B3GAT2: variants seen among roughly 807,000 people sequenced by gnomAD.
B3GAT2 encodes beta-1,3-glucuronyltransferase 2, also known as galactosylgalactosylxylosylprotein 3-beta-glucuronosyltransferase 2.
Under a neutral mutation model 27.8 loss-of-function variants are expected in B3GAT2, and 26 were observed. The ratio of observed to expected loss-of-function variants is 0.93; its 90% CI spans 0.68 to 1.30. The LOEUF (loss-of-function observed/expected upper bound fraction) is 1.30. B3GAT2 is among the 50% of genes most tolerant of loss of function. B3GAT2 has a pLI of 0.00. For synonymous variants in B3GAT2, 218 were observed against 195.1 expected (o/e 1.12, Z -0.98); for missense variants, 458 against 459.0 (o/e 1.00, Z 0.02).
intron 1 of B3GAT2, among the ~76,000 whole-genome samples, chr6:70,935,770 C>A (rs938423421): frequency 6.6e-6 from 1 of 152,060 alleles, no homozygotes; most frequent in Non-Finnish European, 1.5e-5. Flanking sequence ...CATGGAAAGG[C>A]ACAACCGGTA....
At chr6:70,872,596 G>T (rs548398007) in intron 2 of B3GAT2, among the ~76,000 whole-genome samples, 1 of 142,798 alleles carries the variant, frequency 7.0e-6, no homozygotes, top group Admixed American at 7.2e-5. Context: ...AATCTAACAT[G>T]TTTGTCTTGT....
chr6:70,920,027 G>A (rs985896950), intron 1 of B3GAT2, among the ~76,000 whole-genome samples: 6 of 152,206 alleles, frequency 3.9e-5, no homozygotes, highest in Non-Finnish European at 7.3e-5. Flanking sequence ...TACAGAGGCA[G>A]TAGGCCTTGC....
At chr6:70,891,310 T>A (rs1772284625) in intron 2 of B3GAT2, among the ~76,000 whole-genome samples, 1 of 152,200 alleles carries the variant, frequency 6.6e-6, no homozygotes, top group African/African-American at 2.4e-5. Context: ...GGCATATTAA[T>A]TTTTTTAAGT....
rs1158410675 is a variant in B3GAT2, at chr6:70,948,325, G to C, written c.591+7514C>G. Among the ~76,000 whole-genome samples the C allele has an allele frequency of 8.6e-3, 1,246 of 144,986 alleles. 12 individuals are homozygous for C. The highest frequency in any genetic ancestry group is 0.029 in the African/African-American group (1,105 of 38,282). Reference sequence around the variant, plus strand: ...TGCAGATGACATGGTTGTATATCTAGAAAACCCCATTGTCTCAGCCAAAAA... The same window carrying C: ...TGCAGATGACATGGTTGTATATCTACAAAACCCCATTGTCTCAGCCAAAAA... On this transcript the variant is annotated intron_variant, in intron 1 of 3. Coordinates refer to ENST00000230053, the MANE Select transcript of B3GAT2 (RefSeq NM_080742.3).
intron 2 of B3GAT2, among the ~76,000 whole-genome samples, chr6:70,889,549 T>C (rs1036234157): frequency 2.0e-5 from 3 of 152,056 alleles, no homozygotes; most frequent in African/African-American, 7.3e-5. Context: ...AGAAGACAAG[T>C]ATAACCAGGT....
intron 1 of B3GAT2, among the ~76,000 whole-genome samples, chr6:70,911,292 A>G (rs1375875427): frequency 4.1e-4 from 63 of 152,064 alleles, no homozygotes; most frequent in Non-Finnish European, 4.4e-5. Flanking sequence ...TAGTTTTTAC[A>G]GTTAAGTCTT....
chr6:70,867,777 G>C (rs547680126), intron 2 of B3GAT2, among the ~76,000 whole-genome samples: 41 of 152,182 alleles, frequency 2.7e-4, no homozygotes, highest in South Asian at 2.1e-3. Context: ...AATTTTTCTA[G>C]AAAATAGAAA....
chr6:70,955,788 C>G, intron 1 of B3GAT2, 51 bp downstream of exon 1: 2 of 1,500,828 alleles, frequency 1.3e-6, no homozygotes, highest in Non-Finnish European at 1.8e-6. Flanking sequence ...CCGGCCGGCC[C>G]GGAGGCCCAC....
intron 1 of B3GAT2, among the ~76,000 whole-genome samples, chr6:70,941,682 C>A (rs4707869): frequency 6.6e-6 from 1 of 151,980 alleles, no homozygotes; most frequent in South Asian, 2.1e-4. Context: ...CTTAGACATA[C>A]AACACAGACT....
intron 1 of B3GAT2, 35 bp downstream of exon 1, chr6:70,955,804 C>T: frequency 2.0e-6 from 3 of 1,532,956 alleles, no homozygotes; most frequent in Non-Finnish European, 2.6e-6. Context: ...CCCACTCCCG[C>T]CCTCGCCCAC....
In B3GAT2 at chr6:70,950,134, G is replaced by C. The variant is rs564052503; in HGVS notation, c.591+5705C>G. ...ACGAGTTAATGGGTGCAGCACACCA[G>C]CATGGCACATGTATACATATGTAAC... On this transcript the variant is annotated intron_variant, in intron 1 of 3. Transcript: ENST00000230053. Among the ~76,000 whole-genome samples, 696 of 151,726 alleles carry C rather than the reference G, an allele frequency of 4.6e-3. 5 individuals carry two copies. Among genetic ancestry groups the C allele is most frequent in the African/African-American group, 0.016 (657 of 41,386 alleles).
At chr6:70,866,636 C>T (rs757119607) in intron 2 of B3GAT2, among the ~76,000 whole-genome samples, 3 of 151,904 alleles carry the variant, frequency 2.0e-5, no homozygotes. Context: ...TAGAAACTAC[C>T]AAAATGAAAC....
Position 70,856,951 on chromosome 6 carries a change from A to G in B3GAT2, c.*4712T>C. 6.2e-7 allele frequency: 1 copy of G among 1,614,036 alleles called. No homozygotes were observed. Among genetic ancestry groups the G allele is most frequent in the Non-Finnish European group, 8.5e-7 (1 of 1,179,900 alleles). Reference sequence around the variant, plus strand: ...CTGAGCAAACTACAAAATCAGAAGAAGTGGCAAAGAAACAACTTTCCAAAG... The same window carrying G: ...CTGAGCAAACTACAAAATCAGAAGAGGTGGCAAAGAAACAACTTTCCAAAG... On this transcript the variant is annotated 3_prime_UTR_variant, in exon 4 of 4. Transcript: ENST00000230053.
Position 70,861,936 on chromosome 6 carries a change from G to A in B3GAT2, c.779C>T (p.Ala260Val). 1 of 1,613,628 alleles carries A rather than the reference G, an allele frequency of 6.2e-7. No homozygotes were observed. The highest frequency in any genetic ancestry group is 8.5e-7 in the Non-Finnish European group (1 of 1,179,786). ...SLQVILSNPK[A>V]VFKRRGSQPG... ...CTGGGATCCACGACGCTTAAATACA[G>A]CTTTTGGATTGGACAAAATGACTTG... The change falls in exon 3 of 4, where the codon GCT (alanine) becomes GTT (valine). Residue 260 changes from alanine to valine, a missense_variant. Coordinates refer to ENST00000230053, the MANE Select transcript of B3GAT2 (RefSeq NM_080742.3).
intron 1 of B3GAT2, among the ~76,000 whole-genome samples, chr6:70,937,672 T>C (rs1490684552): frequency 1.3e-5 from 2 of 151,826 alleles, no homozygotes; most frequent in Non-Finnish European, 2.9e-5. Flanking sequence ...TCTCAATAGA[T>C]GCAGAAAAGG....
At chr6:70,938,852 G>C (rs1765339852) in intron 1 of B3GAT2, among the ~76,000 whole-genome samples, 2 of 151,844 alleles carry the variant, frequency 1.3e-5, no homozygotes, top group South Asian at 4.2e-4. Flanking sequence ...AGGACTTCAT[G>C]TCTAAAACAC....
At chr6:70,902,629 T>TACAC (rs1156521355) in intron 1 of B3GAT2, among the ~76,000 whole-genome samples, 2 of 142,004 alleles carry the variant, frequency 1.4e-5, no homozygotes, top group African/African-American at 5.6e-5. Flanking sequence ...TATATATATA[T>TACAC]ATATATATAC....
chr6:70,870,331 A>G (rs990021591), intron 2 of B3GAT2, among the ~76,000 whole-genome samples: 1 of 146,354 alleles, frequency 6.8e-6, no homozygotes, highest in Admixed American at 6.9e-5. Context: ...CATAGGTGGG[A>G]ATTGAACGAT....
At chr6:70,896,343 C>T (rs1415166763) in intron 1 of B3GAT2, among the ~76,000 whole-genome samples, 3 of 152,176 alleles carry the variant, frequency 2.0e-5, no homozygotes, top group Admixed American at 6.5e-5. Context: ...CTGAGTGCTA[C>T]AGGTCCTAGT....
Sources: gnomAD v4.1 joint callset for allele counts (sites outside exome capture counted in the v4.1 genomes callset) on GRCh38, gnomAD v4.1.1 for gene constraint, MANE v1.5 for transcripts, NCBI Gene and HGNC (gene_info 2026-07-23, HGNC 2026-07-21) for gene names.